Variants in DLGAP2 observed in about 807,000 individuals in gnomAD.
The protein encoded by DLGAP2 is disks large-associated protein 2.
DLGAP2 carries 26 observed loss-of-function variants against 100.3 expected under a neutral mutation model. The ratio of observed to expected loss-of-function variants is 0.26; its 90% CI spans 0.19 to 0.36. The LOEUF (loss-of-function observed/expected upper bound fraction) is 0.36. DLGAP2 is among the 10% of genes least tolerant of loss of function. The probability of loss-of-function intolerance (pLI) is 1.00; values close to 1 mark genes in which losing one functional copy is unlikely to be tolerated. For synonymous variants in DLGAP2, 886 were observed against 630.1 expected (o/e 1.41, Z -6.08); for missense variants, 1,858 against 1,453.2 (o/e 1.28, Z -4.53).
chr8:1,333,096 G>A (rs1010081147), intron 3 of DLGAP2, among the ~76,000 whole-genome samples: 2 of 152,284 alleles, frequency 1.3e-5, no homozygotes, highest in African/African-American at 2.4e-5. Flanking sequence ...TCATGCCTCC[G>A]GGCGGTCTGT....
At chr8:1,567,111 C>T (rs1448671311) in intron 6 of DLGAP2, among the ~76,000 whole-genome samples, 1 of 152,138 alleles carries the variant, frequency 6.6e-6, no homozygotes, top group Admixed American at 6.5e-5. Flanking sequence ...TGTTTGTAAG[C>T]CAGGAAATAA....
At chr8:1,434,432 A>G (rs1313877863) in intron 3 of DLGAP2, among the ~76,000 whole-genome samples, 1 of 151,290 alleles carries the variant, frequency 6.6e-6, no homozygotes, top group Non-Finnish European at 1.5e-5. Flanking sequence ...TGCCACACCC[A>G]CCACTGGGTC....
intron 7 of DLGAP2, among the ~76,000 whole-genome samples, chr8:1,627,801 C>A (rs1797543838): frequency 6.6e-6 from 1 of 151,836 alleles, no homozygotes; most frequent in African/African-American, 2.4e-5. Flanking sequence ...CCTGAGCCGA[C>A]CTCACATTCT....
At chr8:765,415 C>T (rs915456149) in intron 1 of DLGAP2, among the ~76,000 whole-genome samples, 10 of 152,082 alleles carry the variant, frequency 6.6e-5, no homozygotes, top group African/African-American at 2.2e-4. Flanking sequence ...TGTCAGGAGT[C>T]TAACAGTGTT....
chr8:1,253,719 C>T (rs1186714551), intron 2 of DLGAP2, among the ~76,000 whole-genome samples: 1 of 152,168 alleles, frequency 6.6e-6, no homozygotes, highest in Non-Finnish European at 1.5e-5. Context: ...TGTCAATTAG[C>T]ACAGATCAGT....
intron 2 of DLGAP2, among the ~76,000 whole-genome samples, chr8:1,231,526 A>G (rs1177358427): frequency 2.0e-5 from 3 of 152,236 alleles, no homozygotes; most frequent in Non-Finnish European, 4.4e-5. Flanking sequence ...GAAAAGACAC[A>G]TGCACTCACC....
intron 1 of DLGAP2, among the ~76,000 whole-genome samples, chr8:831,328 T>C (rs2132701744): frequency 6.6e-6 from 1 of 151,706 alleles, no homozygotes; most frequent in South Asian, 2.1e-4. Context: ...AACTCGTCAT[T>C]TACATTAGGT....
chr8:1,575,777 G>T (rs1802945321), intron 6 of DLGAP2, among the ~76,000 whole-genome samples: 1 of 151,648 alleles, frequency 6.6e-6, no homozygotes, highest in African/African-American at 2.4e-5. Flanking sequence ...CTTCATCCAT[G>T]TCCCTACAAA....
intron 2 of DLGAP2, among the ~76,000 whole-genome samples, chr8:1,216,664 AT>A (rs1320831531): frequency 3.3e-5 from 5 of 152,070 alleles, no homozygotes; most frequent in African/African-American, 9.6e-5. Flanking sequence ...GCCAATAAGT[AT>A]TTATCTAGTT....
At chr8:1,142,591 C>A (rs539811436) in intron 2 of DLGAP2, among the ~76,000 whole-genome samples, 1 of 152,314 alleles carries the variant, frequency 6.6e-6, no homozygotes, top group East Asian at 1.9e-4. Flanking sequence ...GGTCTCAATT[C>A]ATGCTTGTTC....
At chr8:1,211,132 G>T (rs185334269) in intron 2 of DLGAP2, among the ~76,000 whole-genome samples, 1 of 152,336 alleles carries the variant, frequency 6.6e-6, no homozygotes, top group East Asian at 1.9e-4. Flanking sequence ...ACAATGTTCC[G>T]TGGTTTTGCA....
intron 2 of DLGAP2, among the ~76,000 whole-genome samples, chr8:1,023,857 A>ATATGTGTGTG (rs772678610): frequency 3.1e-5 from 4 of 128,942 alleles, no homozygotes; most frequent in South Asian, 5.5e-4. Context: ...AACTTTATAT[A>ATATGTGTGTG]TGTGTGTGTG....
intron 3 of DLGAP2, among the ~76,000 whole-genome samples, chr8:1,325,131 A>G (rs991410464): frequency 6.6e-6 from 1 of 151,548 alleles, no homozygotes; most frequent in South Asian, 2.1e-4. Context: ...TTAGTTTAAA[A>G]CTCACCTCTG....
intron 2 of DLGAP2, among the ~76,000 whole-genome samples, chr8:996,096 A>G (rs1254148214): frequency 6.6e-6 from 1 of 152,176 alleles, no homozygotes; most frequent in African/African-American, 2.4e-5. Flanking sequence ...GTAGTTCCTC[A>G]GACCAGTATG....
intron 3 of DLGAP2, among the ~76,000 whole-genome samples, chr8:1,266,469 T>C (rs1475044905): frequency 2.0e-5 from 3 of 152,168 alleles, no homozygotes; most frequent in African/African-American, 4.8e-5. Context: ...CTGCTCTTTA[T>C]GGCCAGCCAT....
intron 2 of DLGAP2, among the ~76,000 whole-genome samples, chr8:1,075,018 A>C (rs904577735): frequency 6.9e-6 from 1 of 145,382 alleles, no homozygotes; most frequent in Non-Finnish European, 1.5e-5. Context: ...CCAGGGGTGG[A>C]GTGGGGGATG....
chr8:1,288,038 G>C (rs1799980305), intron 3 of DLGAP2, among the ~76,000 whole-genome samples: 1 of 144,290 alleles, frequency 6.9e-6, no homozygotes, highest in Non-Finnish European at 1.5e-5. Flanking sequence ...GGTTGAGTGT[G>C]TGTGTGTGTG....
chr8:959,127 T>C (rs535184432), intron 2 of DLGAP2, among the ~76,000 whole-genome samples: 1 of 152,326 alleles, frequency 6.6e-6, no homozygotes, highest in African/African-American at 2.4e-5. Context: ...AGTGATAATA[T>C]GTATTGTGTC....
At chr8:1,219,107 T>A (rs1798268769) in intron 2 of DLGAP2, among the ~76,000 whole-genome samples, 1 of 152,160 alleles carries the variant, frequency 6.6e-6, no homozygotes, top group African/African-American at 2.4e-5. Context: ...CTGAATGCTT[T>A]CTATTTGTTT....
Sources: allele counts gnomAD v4.1 joint callset (sites outside exome capture counted in the v4.1 genomes callset), GRCh38; gene constraint gnomAD v4.1.1; transcripts MANE v1.5; gene names NCBI Gene and HGNC (gene_info 2026-07-23, HGNC 2026-07-21).